KIAA1958: variants seen among roughly 807,000 people sequenced by gnomAD.
The protein encoded by KIAA1958 is uncharacterized protein KIAA1958.
A neutral mutation model predicts 47.2 loss-of-function variants in KIAA1958; 14 were observed. The observed-to-expected ratio is 0.30, with a 90% CI of 0.20 to 0.46. The LOEUF is 0.46. KIAA1958 is among the 20% of genes least tolerant of loss of function. The probability of loss-of-function intolerance (pLI) is 1.00; values close to 1 mark genes in which losing one functional copy is unlikely to be tolerated. For synonymous variants in KIAA1958, 354 were observed against 353.3 expected, an observed-to-expected ratio of 1.00 and a Z score of -0.02; for missense variants, 803 against 909.2, an observed-to-expected ratio of 0.88 and a Z score of 1.50.
chr9:112,517,076 C>A (rs1834448926), intron 1 of KIAA1958, among the ~76,000 whole-genome samples: 1 of 95,390 alleles, frequency 1.0e-5, no homozygotes, highest in Non-Finnish European at 2.3e-5. Flanking sequence ...GGTTACACTT[C>A]TCTATGTAGG....
Position 112,651,815 on chromosome 9 carries a change from T to C in KIAA1958, c.1344+5993T>C, listed in dbSNP as rs901888515. On this transcript the variant is annotated intron_variant, in intron 3 of 3. Coordinates refer to ENST00000337530, the MANE Select transcript of KIAA1958 (RefSeq NM_133465.4). The stretch of plus-strand genomic sequence containing the variant: ...ATCACAAAGGAAGTTATAAAATGTC[T>C]TGAACTGAATGAAAATTAAATCACC... Among the ~76,000 whole-genome samples the C allele has an allele frequency of 2.6e-5, 4 of 152,216 alleles. No homozygotes were observed. The East Asian group carries it at 7.7e-4, about 29-fold the overall frequency.
intron 2 of KIAA1958, among the ~76,000 whole-genome samples, chr9:112,625,225 C>G (rs1020441439): frequency 6.6e-6 from 1 of 152,156 alleles, no homozygotes; most frequent in Non-Finnish European, 1.5e-5. Flanking sequence ...ACTGCAGTGG[C>G]ACTGCAGCCT....
At chr9:112,605,736 C>T (rs967928005) in intron 2 of KIAA1958, among the ~76,000 whole-genome samples, 1 of 152,124 alleles carries the variant, frequency 6.6e-6, no homozygotes, top group African/African-American at 2.4e-5. Context: ...ATTTTGTTTC[C>T]ATTGCAGGAA....
At chr9:112,568,383 A>G (rs1835465389) in intron 1 of KIAA1958, among the ~76,000 whole-genome samples, 1 of 152,254 alleles carries the variant, frequency 6.6e-6, no homozygotes, top group Non-Finnish European at 1.5e-5. Flanking sequence ...TGAAAAGGAT[A>G]TCTCTTCATT....
At chr9:112,573,813 A>T (rs1049235017) in intron 1 of KIAA1958, among the ~76,000 whole-genome samples, 1 of 152,122 alleles carries the variant, frequency 6.6e-6, no homozygotes, top group Non-Finnish European at 1.5e-5. Flanking sequence ...AGGAATTATT[A>T]TAACAATAAA....
At chr9:112,626,336 T>G (rs979121834) in intron 2 of KIAA1958, among the ~76,000 whole-genome samples, 3 of 152,184 alleles carry the variant, frequency 2.0e-5, no homozygotes, top group Non-Finnish European at 2.9e-5. Context: ...GTTGAAAAAG[T>G]TCAAATTTTA....
At chr9:112,582,182 C>T (rs913768358) in intron 2 of KIAA1958, among the ~76,000 whole-genome samples, 4 of 152,148 alleles carry the variant, frequency 2.6e-5, no homozygotes, top group Admixed American at 6.5e-5. Context: ...GATAGCACAA[C>T]GGGTGACTGT....
intron 2 of KIAA1958, among the ~76,000 whole-genome samples, chr9:112,625,214 C>CA (rs1237176220): frequency 1.3e-5 from 2 of 152,160 alleles, no homozygotes. Context: ...AATCAAGACT[C>CA]ACTGCAGTGG....
chr9:112,594,209 T>G (rs1358988136), intron 2 of KIAA1958, among the ~76,000 whole-genome samples: 1 of 152,156 alleles, frequency 6.6e-6, no homozygotes, highest in African/African-American at 2.4e-5. Context: ...TTCTGGAAGG[T>G]GGGAAGACAG....
intron 2 of KIAA1958, among the ~76,000 whole-genome samples, chr9:112,624,098 GGAAAGTCAAGGGGAATGT>G (rs1193739096): frequency 6.6e-6 from 1 of 152,172 alleles, no homozygotes; most frequent in African/African-American, 2.4e-5. Context: ...AGCCTAGGGA[GGAAAGTCAAGGGGAATGT>G]ATAATTTCTT....
At chr9:112,490,786 G>C (rs924406657) in intron 1 of KIAA1958, among the ~76,000 whole-genome samples, 1 of 152,178 alleles carries the variant, frequency 6.6e-6, no homozygotes, top group African/African-American at 2.4e-5. Context: ...TTCACCGTTA[G>C]TGTTCATAGT....
intron 1 of KIAA1958, among the ~76,000 whole-genome samples, chr9:112,540,800 C>T (rs946321727): frequency 2.6e-5 from 4 of 151,632 alleles, no homozygotes; most frequent in African/African-American, 7.3e-5. Flanking sequence ...ACTGTAGCCT[C>T]GACTTCCCGG....
At chr9:112,542,502 C>A (rs912945299) in intron 1 of KIAA1958, among the ~76,000 whole-genome samples, 22 of 152,246 alleles carry the variant, frequency 1.4e-4, no homozygotes, top group Non-Finnish European at 2.5e-4. Context: ...CTAAACTACT[C>A]TACAACTCTT....
chr9:112,574,837 A>G lies in KIAA1958; in HGVS notation c.757A>G (p.Ile253Val). ...GPSCVGSAKLIPHVTSAISTE... is the reference protein window; with the variant it reads ...GPSCVGSAKLVPHVTSAISTE... ...CTCCTGTGTAGGGTCTGCTAAACTG[A>G]TTCCCCATGTCACATCTGCCATCAG... The change falls in exon 2 of 4, where the codon ATT (isoleucine) becomes GTT (valine). Residue 253 changes from isoleucine (I) to valine (V), a missense_variant. This residue lies in a region of KIAA1958 where 761 missense variants were observed against 829.3 expected (regional missense o/e 0.92). Transcript: ENST00000337530. 6.2e-7 allele frequency: 1 copy of G among 1,614,032 alleles called. No homozygotes were observed. The highest frequency in any genetic ancestry group is 1.3e-5 in the African/African-American group (1 of 74,986).
chr9:112,500,455 ATTT>A (rs201069638), intron 1 of KIAA1958, among the ~76,000 whole-genome samples: 1 of 139,438 alleles, frequency 7.2e-6, no homozygotes, highest in Non-Finnish European at 1.6e-5. Flanking sequence ...AATATCATTA[ATTT>A]TTTTTTTTTT....
chr9:112,560,443 G>A (rs1835308144), intron 1 of KIAA1958, among the ~76,000 whole-genome samples: 1 of 152,036 alleles, frequency 6.6e-6, no homozygotes, highest in East Asian at 1.9e-4. Context: ...TACAGCATTG[G>A]CCTCCCAAAG....
intron 2 of KIAA1958, among the ~76,000 whole-genome samples, chr9:112,608,556 A>G (rs138221747): frequency 6.6e-6 from 1 of 152,182 alleles, no homozygotes; most frequent in Non-Finnish European, 1.5e-5. Context: ...TGGGAGTCCA[A>G]GGTGGGTGGA....
chr9:112,632,173 T>C (rs1836721590), intron 2 of KIAA1958, among the ~76,000 whole-genome samples: 1 of 152,172 alleles, frequency 6.6e-6, no homozygotes. Context: ...TTCCAAATTT[T>C]TTCTACATAA....
At chr9:112,533,484 G>A (rs1232747272) in intron 1 of KIAA1958, among the ~76,000 whole-genome samples, 1 of 150,974 alleles carries the variant, frequency 6.6e-6, no homozygotes, top group Admixed American at 6.6e-5. Flanking sequence ...AGGAGGCGGA[G>A]GCAGTAGAAT....
Sources: gnomAD v4.1 joint callset for allele counts (sites outside exome capture counted in the v4.1 genomes callset) on GRCh38, gnomAD v4.1.1 for gene constraint, gnomAD v4.1.1 regional missense constraint, MANE v1.5 for transcripts, NCBI Gene and HGNC (gene_info 2026-07-23, HGNC 2026-07-21) for gene names.